The following HHLA2 variants were observed in gnomAD, a reference collection of about 807,000 sequenced individuals.
HHLA2 encodes the protein HERV-H LTR-associating protein 2.
Under a neutral mutation model 45.9 loss-of-function variants are expected in HHLA2, and 48 were observed. The ratio of observed to expected loss-of-function variants is 1.05; its 90% CI spans 0.83 to 1.33. The LOEUF (loss-of-function observed/expected upper bound fraction) is 1.33, where lower values mean the gene tolerates loss of function less well. Among genes scored for constraint, HHLA2 ranks in the 40% most tolerant of loss-of-function variants. The pLI is 0.00. For synonymous variants in HHLA2, 161 were observed against 173.9 expected (o/e 0.93, Z 0.59); for missense variants, 462 against 494.3 (o/e 0.93, Z 0.62).
At chr3:108,299,472 A>G (rs1474736598) in intron 1 of HHLA2, among the ~76,000 whole-genome samples, 3 of 151,822 alleles carry the variant, frequency 2.0e-5, no homozygotes, top group Non-Finnish European at 4.4e-5. Flanking sequence ...TGGTGGGAGG[A>G]GAGAAAGGTG....
intron 1 of HHLA2, among the ~76,000 whole-genome samples, chr3:108,307,188 T>C (rs1224449544): frequency 6.6e-6 from 1 of 152,208 alleles, no homozygotes; most frequent in African/African-American, 2.4e-5. Context: ...TTTATTCCTT[T>C]TTAATACAAA....
intron 1 of HHLA2, among the ~76,000 whole-genome samples, chr3:108,309,331 T>A (rs1313656692): frequency 6.6e-6 from 1 of 150,418 alleles, no homozygotes; most frequent in Non-Finnish European, 1.5e-5. Flanking sequence ...ATATGTAGAT[T>A]TTTTTCTGGG....
intron 8 of HHLA2, among the ~76,000 whole-genome samples, chr3:108,366,754 G>T (rs2082069376): frequency 6.6e-6 from 1 of 152,188 alleles, no homozygotes; most frequent in Non-Finnish European, 1.5e-5. Flanking sequence ...TAGTTTATTT[G>T]CTTAGAGGTG....
At chr3:108,318,118 T>C (rs1048929644) in intron 2 of HHLA2, among the ~76,000 whole-genome samples, 5 of 151,370 alleles carry the variant, frequency 3.3e-5, no homozygotes, top group African/African-American at 7.3e-5. Context: ...GAGGCTGAGG[T>C]TGCAGTGAGC....
chr3:108,357,873 G>A lies in HHLA2; in HGVS notation c.715G>A (p.Val239Ile), dbSNP rs755783641. 46 of 1,612,420 alleles carry A rather than the reference G, an allele frequency of 2.9e-5. No homozygotes were observed. Among genetic ancestry groups the A allele is most frequent in the South Asian group, 1.8e-4 (16 of 90,986 alleles). Reference sequence around the variant, plus strand: ...CCTTCATAAAATGCAAAGTGAACACGTTTCACTCTCATGTCAACCTGTAAA... The same window carrying A: ...CCTTCATAAAATGCAAAGTGAACACATTTCACTCTCATGTCAACCTGTAAA... Residue 239 changes from valine (V) to isoleucine (I), a missense_variant, in exon 7 of 11, where the codon GTT becomes ATT. Coordinates refer to ENST00000619531, the Ensembl canonical transcript of HHLA2.
intron 6 of HHLA2, among the ~76,000 whole-genome samples, chr3:108,356,324 C>A (rs1470337168): frequency 1.3e-5 from 2 of 152,120 alleles, no homozygotes; most frequent in Non-Finnish European, 2.9e-5. Context: ...GCCACCGTGC[C>A]CAGCCTGTTT....
chr3:108,354,866 A>C (rs2081855728), intron 5 of HHLA2, among the ~76,000 whole-genome samples: 1 of 152,104 alleles, frequency 6.6e-6, no homozygotes, highest in African/African-American at 2.4e-5. Flanking sequence ...TGTTTCTAGA[A>C]AATTGAGATT....
chr3:108,335,055 G>T (rs773094102), intron 3 of HHLA2, among the ~76,000 whole-genome samples: 1 of 152,172 alleles, frequency 6.6e-6, no homozygotes, highest in African/African-American at 2.4e-5. Flanking sequence ...TGCAATAAAA[G>T]TTTCTAGATC....
At chr3:108,299,485 GAGTAGTC>G (rs1436870972) in intron 1 of HHLA2, among the ~76,000 whole-genome samples, 1 of 151,898 alleles carries the variant, frequency 6.6e-6, no homozygotes, top group Non-Finnish European at 1.5e-5. Flanking sequence ...GAAAGGTGAG[GAGTAGTC>G]AGATTATGAA....
At chr3:108,299,006 T>C (rs1048060215) in intron 1 of HHLA2, among the ~76,000 whole-genome samples, 31 of 152,354 alleles carry the variant, frequency 2.0e-4, no homozygotes, top group African/African-American at 6.7e-4. Flanking sequence ...AGATCCTTTC[T>C]ATCTAATTTA....
chr3:108,327,519 T>C (rs2081307321), intron 2 of HHLA2, among the ~76,000 whole-genome samples: 1 of 152,218 alleles, frequency 6.6e-6, no homozygotes, highest in Non-Finnish European at 1.5e-5. Flanking sequence ...TGCTTCATTC[T>C]GAATACTTTC....
chr3:108,354,566 A>G (rs999521803), intron 5 of HHLA2, among the ~76,000 whole-genome samples: 1 of 152,034 alleles, frequency 6.6e-6, no homozygotes, highest in Non-Finnish European at 1.5e-5. Context: ...TATAGTTAGT[A>G]TGCATTATAA....
At chr3:108,298,452 T>C (rs1280590596) in intron 1 of HHLA2, among the ~76,000 whole-genome samples, 1 of 152,220 alleles carries the variant, frequency 6.6e-6, no homozygotes. Context: ...ATGTTCAAAA[T>C]CCTTCTAATT....
chr3:108,328,488 T>C (rs539908804), intron 3 of HHLA2: 1 of 605,292 alleles, frequency 1.7e-6, no homozygotes. Flanking sequence ...TGGAGGTGAA[T>C]ATTATTATCC....
intron 3 of HHLA2, 121 bp from the exon 3 acceptor site, chr3:108,351,667 A>G (rs1188857847): frequency 5.0e-6 from 3 of 596,172 alleles, no homozygotes; most frequent in Non-Finnish European, 8.8e-6. Context: ...CCATTGAACC[A>G]TCCTTTACAA....
chr3:108,353,791 A>C lies in HHLA2; in HGVS notation c.418+11A>C. 6.3e-7 allele frequency: 1 copy of C among 1,580,458 alleles called. No homozygotes were observed. Among genetic ancestry groups the C allele is most frequent in the Non-Finnish European group, 8.6e-7 (1 of 1,159,998 alleles). The stretch of plus-strand genomic sequence containing the variant: ...TGCTAAAGGTGGGAGGTAAGTGTGC[A>C]TGTAAAGTTTCATGAAACAGCAATG... On this transcript the variant is annotated intron_variant, in intron 5 of 10. Coordinates refer to ENST00000619531, the Ensembl canonical transcript of HHLA2.
chr3:108,342,842 AATGCTTTGAG>A (rs1340705034), intron 3 of HHLA2, among the ~76,000 whole-genome samples: 2 of 152,080 alleles, frequency 1.3e-5, no homozygotes, highest in East Asian at 3.9e-4. Flanking sequence ...CCTCAAACCT[AATGCTTTGAG>A]AGGTCTTCCT....
chr3:108,337,121 T>TC lies in HHLA2; in HGVS notation c.-27+8775dup, dbSNP rs1399440984. Among the ~76,000 whole-genome samples the TC allele has an allele frequency of 3.9e-5, 6 of 152,232 alleles. No homozygotes were observed. In the South Asian group the frequency reaches 1.0e-3, roughly 26 times the overall value. ...GGTGTGTGAACTGTTTATTACTGGTTCATGATGAGAGAAATGCAGAACTAG... is the reference window on the plus strand; with the variant it reads ...GGTGTGTGAACTGTTTATTACTGGTTCCATGATGAGAGAAATGCAGAACTAG... On this transcript the variant is annotated intron_variant, in intron 3 of 10. Coordinates refer to ENST00000619531, the Ensembl canonical transcript of HHLA2.
At chr3:108,343,052 G>A (rs891080452) in intron 3 of HHLA2, among the ~76,000 whole-genome samples, 3 of 152,208 alleles carry the variant, frequency 2.0e-5, no homozygotes, top group Admixed American at 6.5e-5. Context: ...ACCCGTAGGT[G>A]ATGCTGAAAT....
Sources: gnomAD v4.1 joint callset for allele counts (sites outside exome capture counted in the v4.1 genomes callset) on GRCh38, gnomAD v4.1.1 for gene constraint, MANE v1.5 for transcripts, NCBI Gene and HGNC (gene_info 2026-07-23, HGNC 2026-07-21) for gene names.